Variants in STAB2 observed in about 807,000 individuals in gnomAD.
STAB2 encodes the protein stabilin 2, also known as stabilin-2.
A neutral mutation model predicts 338.1 loss-of-function variants in STAB2; 288 were observed. That is an observed-to-expected ratio of 0.85 (90% CI 0.77 to 0.94). STAB2 has a LOEUF of 0.94. STAB2 is among the 40% of genes least tolerant of loss of function. The probability of loss-of-function intolerance (pLI) is 0.00; values close to 1 mark genes in which losing one functional copy is unlikely to be tolerated. For synonymous variants in STAB2, 1,202 were observed against 1,193.3 expected (o/e 1.01, Z -0.15); for missense variants, 3,141 against 3,210.1 (o/e 0.98, Z 0.52).
rs138958826 is a variant in STAB2, at chr12:103,658,164, G to T, written c.1735-2167G>T. Among the ~76,000 whole-genome samples, 522 of 152,290 alleles carry T rather than the reference G, an allele frequency of 3.4e-3. 4 individuals carry two copies. The highest frequency in any genetic ancestry group is 0.012 in the African/African-American group (501 of 41,546). On this transcript the variant is annotated intron_variant, in intron 15 of 68. Transcript: ENST00000388887. ...CACCCTGCAAGTAAAGTGGGGAAAGGGACGTGAATTTATACAGTTCAAGGT... is the reference window on the plus strand; with the variant it reads ...CACCCTGCAAGTAAAGTGGGGAAAGTGACGTGAATTTATACAGTTCAAGGT...
At chr12:103,647,977 C>G (rs1010321497) in intron 9 of STAB2, among the ~76,000 whole-genome samples, 2 of 152,206 alleles carry the variant, frequency 1.3e-5, no homozygotes, top group African/African-American at 4.8e-5. Context: ...TGGACCTACC[C>G]TGTGCTGGAT....
chr12:103,674,126 C>A, intron 23 of STAB2, 39 bp downstream of exon 23: 2 of 1,585,322 alleles, frequency 1.3e-6, no homozygotes, highest in South Asian at 2.3e-5. Flanking sequence ...GACGCTGAGT[C>A]ATTAAGTGTA....
At chr12:103,719,439 T>G (rs1156270891) in intron 44 of STAB2, among the ~76,000 whole-genome samples, 1 of 152,232 alleles carries the variant, frequency 6.6e-6, no homozygotes, top group Non-Finnish European at 1.5e-5. Flanking sequence ...AGAAATGTAT[T>G]TTCTCACAGT....
intron 3 of STAB2, among the ~76,000 whole-genome samples, chr12:103,603,782 A>T (rs1956988134): frequency 6.6e-6 from 1 of 152,250 alleles, no homozygotes; most frequent in Non-Finnish European, 1.5e-5. Context: ...TTCGAATTCC[A>T]TTAAATCAAT....
chr12:103,647,081 C>G (rs564915412), intron 9 of STAB2, among the ~76,000 whole-genome samples: 247 of 152,328 alleles, frequency 1.6e-3, no homozygotes, highest in African/African-American at 5.8e-3. Context: ...CCTGTGTACA[C>G]TTTCTCATGT....
intron 35 of STAB2, 24 bp downstream of exon 35, chr12:103,703,300 G>A (rs2138967400): frequency 1.9e-6 from 3 of 1,606,178 alleles, no homozygotes; most frequent in Non-Finnish European, 2.5e-6. Context: ...GCCAGAGCCA[G>A]TGATGGAACT....
chr12:103,742,443 G>A lies in STAB2; in HGVS notation c.5920G>A (p.Gly1974Ser). ...ACCAGATGCCCCGTGTAATAACCGG[G>A]GTGTCTGCCTTGATCAGTACTCGGC... Reference protein sequence around the residue: ...GGPDAPCNNRGVCLDQYSATG... With the variant: ...GGPDAPCNNRSVCLDQYSATG... Residue 1974 changes from glycine to serine, a missense_variant, in exon 56 of 69, where the codon GGT becomes AGT. Coordinates refer to ENST00000388887, the MANE Select transcript of STAB2 (RefSeq NM_017564.10). 1 of 1,614,104 alleles carries A rather than the reference G, an allele frequency of 6.2e-7. No homozygotes were observed. Among genetic ancestry groups the A allele is most frequent in the East Asian group, 2.2e-5 (1 of 44,884 alleles).
intron 65 of STAB2, among the ~76,000 whole-genome samples, chr12:103,759,617 C>T (rs528572858): frequency 2.6e-5 from 4 of 152,206 alleles, no homozygotes; most frequent in Non-Finnish European, 5.9e-5. Flanking sequence ...AGTTCTGCCA[C>T]TTGCTAACTG....
intron 52 of STAB2, among the ~76,000 whole-genome samples, chr12:103,736,318 C>T (rs1007390646): frequency 2.0e-5 from 3 of 152,140 alleles, no homozygotes; most frequent in Admixed American, 1.3e-4. Context: ...GGAGGAAGGG[C>T]AAAAGGGATG....
At chr12:103,720,849 A>G (rs1008784014) in intron 44 of STAB2, among the ~76,000 whole-genome samples, 3 of 152,244 alleles carry the variant, frequency 2.0e-5, no homozygotes, top group Non-Finnish European at 4.4e-5. Context: ...TGTCTGCTGC[A>G]GGTCTGCTTC....
chr12:103,704,795 G>A, intron 36 of STAB2, 181 bp downstream of exon 36: 1 of 574,016 alleles, frequency 1.7e-6, no homozygotes, highest in Admixed American at 3.7e-5. Flanking sequence ...TTTGGACCAA[G>A]GCAAAATTTA....
rs746555449 is a variant in STAB2 at position 103,692,854 on chromosome 12, G to A, written c.3340G>A (p.Ala1114Thr). 6.8e-6 allele frequency: 11 copies of A among 1,613,274 alleles called. No homozygotes were observed. Among genetic ancestry groups the A allele is most frequent in the South Asian group, 6.6e-5 (6 of 91,032 alleles). The change falls in exon 31 of 69, where the codon GCA becomes ACA. Residue 1114 changes from alanine to threonine, a missense_variant. Transcript: ENST00000388887. ...GGCCTCCATTGTCGATGGGGACAAC[G>A]CAGCCACAAATGGAGTGATACACAT... ...EGASIVDGDN[A>T]ATNGVIHIIN...
At chr12:103,629,014 T>A (rs187582088) in intron 5 of STAB2, among the ~76,000 whole-genome samples, 62 of 152,288 alleles carry the variant, frequency 4.1e-4, no homozygotes, top group Non-Finnish European at 6.6e-4. Flanking sequence ...AGTTGTGTAG[T>A]TGTTGGTATT....
intron 20 of STAB2, 99 bp from the exon 21 acceptor site, chr12:103,669,442 A>G (rs1000838164): frequency 9.4e-6 from 10 of 1,063,704 alleles, no homozygotes; most frequent in Non-Finnish European, 1.4e-5. Context: ...GGAGAGGCGA[A>G]TATGGCTTAG....
At chr12:103,644,798 G>A (rs1209016101) in intron 9 of STAB2, among the ~76,000 whole-genome samples, 1 of 152,152 alleles carries the variant, frequency 6.6e-6, no homozygotes, top group East Asian at 1.9e-4. Flanking sequence ...TTAAATAACT[G>A]AAAGAGTATA....
chr12:103,637,912 CTG>C (rs1241778279), intron 7 of STAB2, 102 bp from the exon 8 acceptor site: 2 of 1,180,684 alleles, frequency 1.7e-6, no homozygotes, highest in Non-Finnish European at 2.4e-6. Flanking sequence ...TCTTTGAAAA[CTG>C]TGAGTTGCCT....
At chr12:103,692,597 CTG>C (rs36051361) in intron 30 of STAB2, among the ~76,000 whole-genome samples, 5,256 of 150,820 alleles carry the variant, frequency 0.035, 147 homozygotes, top group East Asian at 0.12. Flanking sequence ...CTCTCTGTCT[CTG>C]TGTGTGTGTG....
intron 44 of STAB2, among the ~76,000 whole-genome samples, chr12:103,718,578 G>T (rs1880515868): frequency 1.3e-5 from 2 of 152,162 alleles, no homozygotes; most frequent in African/African-American, 4.8e-5. Flanking sequence ...AAAACAGAAG[G>T]GTTGTTCTTG....
intron 4 of STAB2, 43 bp downstream of exon 4, chr12:103,620,596 C>G: frequency 6.7e-7 from 1 of 1,500,052 alleles, no homozygotes; most frequent in Non-Finnish European, 9.1e-7. Context: ...TTTCTGCTCC[C>G]CATCTTCTTA....
Sources: gnomAD v4.1 joint callset for allele counts (sites outside exome capture counted in the v4.1 genomes callset) on GRCh38, gnomAD v4.1.1 for gene constraint, MANE v1.5 for transcripts, NCBI Gene and HGNC (gene_info 2026-07-23, HGNC 2026-07-21) for gene names.